Variants in DMGDH observed in about 807,000 individuals in gnomAD.
The protein encoded by DMGDH is dimethylglycine dehydrogenase, also known as dimethylglycine dehydrogenase, mitochondrial.
In DMGDH, 76 loss-of-function variants were observed where a neutral mutation model predicts 95.2. The ratio of observed to expected loss-of-function variants is 0.80; its 90% CI spans 0.66 to 0.97. The LOEUF (loss-of-function observed/expected upper bound fraction) is 0.97, where lower values mean the gene tolerates loss of function less well. Among genes scored for constraint, DMGDH ranks in the 50% least tolerant of loss-of-function variants. The pLI, the probability that DMGDH is intolerant of heterozygous loss-of-function variation, is 0.00. For missense variants in DMGDH, 987 were observed against 1,055.0 expected (o/e 0.94, Z 0.89); for synonymous variants, 345 against 377.6 (o/e 0.91, Z 1.00).
chr5:79,039,474 A>G (rs1754442554), intron 7 of DMGDH, among the ~76,000 whole-genome samples: 1 of 152,016 alleles, frequency 6.6e-6, no homozygotes. Flanking sequence ...ACCAAACACC[A>G]CATATTCTCA....
chr5:79,021,210 T>G (rs1264903625), intron 14 of DMGDH: 1 of 1,003,770 alleles, frequency 1.0e-6, no homozygotes, highest in African/African-American at 1.7e-5. Flanking sequence ...GGCAGTGTTG[T>G]ATGCGGCTGG....
In DMGDH at chr5:79,069,603, C is replaced by T. The variant is rs1755494565; in HGVS notation, c.18G>A (p.Ala6=). The part of the protein sequence containing the change: MLRPG[A]QLLRGLLLRS... ...GCAGCAGGAGGCCCCGCAGCAGCTG[C>T]GCGCCGGGACGGAGCATGACTAGGC... The change falls in exon 1 of 16, where the codon GCG becomes GCA. Residue 6 remains alanine (A), a synonymous_variant. Coordinates refer to ENST00000255189, the MANE Select transcript of DMGDH (RefSeq NM_013391.3). 3 of 1,368,002 alleles carry T rather than the reference C, an allele frequency of 2.2e-6. No homozygotes were observed. Among genetic ancestry groups the T allele is most frequent in the Admixed American group, 2.9e-5 (1 of 34,516 alleles). 84.7% of individuals were successfully genotyped at this position (1,368,002 alleles called of 1,614,324 possible). A position where few individuals can be genotyped will look rare whatever the true frequency, so the allele number is the denominator to read the frequency against.
chr5:79,030,662 A>G (rs1018008601), intron 10 of DMGDH, 171 bp downstream of exon 10: 103 of 707,906 alleles, frequency 1.5e-4, no homozygotes, highest in African/African-American at 5.8e-4. Context: ...AAAAAAAAAA[A>G]AAAAGAAAAG....
intron 14 of DMGDH, among the ~76,000 whole-genome samples, chr5:79,012,961 G>C (rs949463414): frequency 6.6e-6 from 1 of 152,196 alleles, no homozygotes; most frequent in Non-Finnish European, 1.5e-5. Flanking sequence ...CAGTGTTTTG[G>C]TTATCAGCAC....
chr5:79,064,252 C>T (rs1055333699), intron 1 of DMGDH, among the ~76,000 whole-genome samples: 9 of 151,856 alleles, frequency 5.9e-5, no homozygotes, highest in African/African-American at 2.2e-4. Flanking sequence ...ACTTGGGAGG[C>T]TGAGGTAAGA....
intron 14 of DMGDH, chr5:79,021,730 G>A (rs1027084976): frequency 1.6e-6 from 2 of 1,286,360 alleles, no homozygotes; most frequent in Non-Finnish European, 2.0e-6. Flanking sequence ...TGGGGGAAGT[G>A]TCTATTAATA....
rs187277628 is a variant in DMGDH at position 79,063,993 on chromosome 5, A to T, written c.102-206T>A. Among the ~76,000 whole-genome samples the T allele has an allele frequency of 3.9e-5, 6 of 152,254 alleles. No individual in the cohort carries two copies. The East Asian group carries it at 1.2e-3, about 29-fold the overall frequency. On this transcript the variant is annotated intron_variant, in intron 1 of 15. Coordinates refer to ENST00000255189, the MANE Select transcript of DMGDH (RefSeq NM_013391.3). ...GGGTGTTTGAGCCCCATTCCATATA[A>T]TGATTCTGGTCCATTGTAGCTACTA...
intron 1 of DMGDH, among the ~76,000 whole-genome samples, chr5:79,068,875 T>C (rs1358602188): frequency 6.6e-6 from 1 of 152,210 alleles, no homozygotes; most frequent in East Asian, 1.9e-4. Flanking sequence ...AGACACACAC[T>C]GGTGTGCCGC....
chr5:79,013,909 T>C (rs1580186956), intron 14 of DMGDH, among the ~76,000 whole-genome samples: 1 of 152,128 alleles, frequency 6.6e-6, no homozygotes, highest in Admixed American at 6.5e-5. Flanking sequence ...CATGATCCAA[T>C]CACCTCCCAC....
intron 12 of DMGDH, 96 bp from the exon 13 acceptor site, chr5:79,026,677 A>G (rs890653514): frequency 6.5e-7 from 1 of 1,532,406 alleles, no homozygotes; most frequent in African/African-American, 1.4e-5. Context: ...GAGAAATTCC[A>G]CTTATGCAAC....
chr5:79,030,717 C>T, intron 10 of DMGDH, 116 bp downstream of exon 10: 4 of 1,027,506 alleles, frequency 3.9e-6, no homozygotes, highest in Non-Finnish European at 5.8e-6. Context: ...TACTTTTGGT[C>T]AGTTGAAGAG....
chr5:79,053,475 C>A (rs1240545294), intron 4 of DMGDH, among the ~76,000 whole-genome samples: 1 of 152,158 alleles, frequency 6.6e-6, no homozygotes, highest in African/African-American at 2.4e-5. Flanking sequence ...CTGCCCCATA[C>A]TATTATTGTG....
chr5:79,053,038 C>T (rs1050877559), intron 4 of DMGDH, among the ~76,000 whole-genome samples: 5 of 152,236 alleles, frequency 3.3e-5, no homozygotes, highest in African/African-American at 1.2e-4. Flanking sequence ...TAAATCTCTA[C>T]TCCAGCTCTT....
chr5:79,033,396 G>A lies in DMGDH; in HGVS notation c.1206C>T (p.Ile402=). The stretch of plus-strand genomic sequence containing the variant: ...GATATTTCCCTACCCCACCAGCGTG[G>A]ATTATGCCATATCTTTCAAATACAG... ...WVAIGFGYGI[I]HAGGVGKYLS... Residue 402 remains isoleucine (I), a synonymous_variant, in exon 8 of 16, where the codon ATC becomes ATT. Coordinates refer to ENST00000255189, the MANE Select transcript of DMGDH (RefSeq NM_013391.3). The A allele has an allele frequency of 6.2e-7, 1 of 1,614,072 alleles. No individual in the cohort carries two copies. Among genetic ancestry groups the A allele is most frequent in the Non-Finnish European group, 8.5e-7 (1 of 1,180,014 alleles).
At chr5:79,046,705 G>C (rs1754685422) in intron 5 of DMGDH, among the ~76,000 whole-genome samples, 1 of 152,112 alleles carries the variant, frequency 6.6e-6, no homozygotes, top group Non-Finnish European at 1.5e-5. Context: ...CTTGCTAGTA[G>C]GAAGATGTGA....
chr5:79,045,776 C>T (rs1273826298), intron 5 of DMGDH, among the ~76,000 whole-genome samples: 1 of 152,136 alleles, frequency 6.6e-6, no homozygotes, highest in Non-Finnish European at 1.5e-5. Context: ...CCAGTACTGT[C>T]TCTGCTGTTT....
At position 79,018,286 on chromosome 5, in the gene DMGDH, A is replaced by G. The variant is rs200167626; in HGVS notation, c.2250+5985T>C. Among the ~76,000 whole-genome samples, 4 of 151,814 alleles carry G rather than the reference A, an allele frequency of 2.6e-5. No homozygotes were observed. The East Asian group carries it at 5.8e-4, about 22-fold the overall frequency. On this transcript the variant is annotated intron_variant, in intron 14 of 15. Transcript: ENST00000255189. ...AAACCTGGGTTGAGGCAACCCTTCC[A>G]CCTCCACCTCCCAAAGTGCTGGGAT...
chr5:79,012,846 G>A (rs1753668506), intron 14 of DMGDH, among the ~76,000 whole-genome samples: 1 of 152,206 alleles, frequency 6.6e-6, no homozygotes, highest in Admixed American at 6.5e-5. Context: ...AGGCAGTGGG[G>A]CCTTGGGCCT....
intron 4 of DMGDH, among the ~76,000 whole-genome samples, chr5:79,052,977 T>G (rs1316584390): frequency 6.6e-6 from 1 of 152,190 alleles, no homozygotes; most frequent in Non-Finnish European, 1.5e-5. Flanking sequence ...CAGCCCCATC[T>G]GATACACTTG....
Sources: allele counts gnomAD v4.1 joint callset (sites outside exome capture counted in the v4.1 genomes callset), GRCh38; gene constraint gnomAD v4.1.1; transcripts MANE v1.5; gene names NCBI Gene and HGNC (gene_info 2026-07-23, HGNC 2026-07-21).